ACTA1: variants seen among roughly 807,000 people sequenced by gnomAD.
ACTA1 encodes actin, alpha skeletal muscle.
A neutral mutation model predicts 35.8 loss-of-function variants in ACTA1; 25 were observed. That is an observed-to-expected ratio of 0.70 (90% CI 0.51 to 0.97). The LOEUF (loss-of-function observed/expected upper bound fraction) is 0.97. Among genes scored for constraint, ACTA1 ranks in the 50% least tolerant of loss-of-function variants. The pLI is 0.00. For missense variants in ACTA1, 174 were observed against 533.0 expected (o/e 0.33, Z 6.63); for synonymous variants, 219 against 217.1 (o/e 1.01, Z -0.08).
chr1:229,431,312 T>G lies in ACTA1; in HGVS notation c.*187A>C. On this transcript the variant is annotated 3_prime_UTR_variant, in exon 7 of 7. Coordinates refer to ENST00000366684, the MANE Select transcript of ACTA1 (RefSeq NM_001100.4). This position sits in a 1 kb window ranked among gnomAD's most constrained non-coding sequence, Gnocchi z 7.1. ...TTCCATTTTCTTCCACAGGGCTTTGTTTCGAAAAATAACAAAATGAGGTAA... is the reference window on the plus strand; with the variant it reads ...TTCCATTTTCTTCCACAGGGCTTTGGTTCGAAAAATAACAAAATGAGGTAA... 1 of 828,260 alleles carries G rather than the reference T, an allele frequency of 1.2e-6. No individual in the cohort carries two copies. 51.3% of individuals were successfully genotyped at this position (828,260 alleles called of 1,614,324 possible).
At position 229,431,415 on chromosome 1, in the gene ACTA1, A is replaced by G. The variant is rs1571892093; in HGVS notation, c.*84T>C. The G allele has an allele frequency of 6.3e-7, 1 of 1,578,802 alleles. No individual in the cohort carries two copies. Among genetic ancestry groups the G allele is most frequent in the Non-Finnish European group, 8.7e-7 (1 of 1,149,560 alleles). ...AACGGAAGTTGTTACAAAGAAAGTG[A>G]CTGCGGGGTGGCTGGAGCTCAGCCG... On this transcript the variant is annotated 3_prime_UTR_variant, in exon 7 of 7. Coordinates refer to ENST00000366684, the MANE Select transcript of ACTA1 (RefSeq NM_001100.4). This position sits in a 1 kb window ranked among gnomAD's most constrained non-coding sequence, Gnocchi z 7.1.
rs1553255511 is a variant in ACTA1 at position 229,432,889 on chromosome 1, C to T, written c.130-9G>A. The T allele has an allele frequency of 6.2e-7, 1 of 1,614,046 alleles. No individual in the cohort carries two copies. On this transcript the variant is annotated splice_polypyrimidine_tract_variant and intron_variant, in intron 2 of 6. Coordinates refer to ENST00000366684, the MANE Select transcript of ACTA1 (RefSeq NM_001100.4). ...ATACCGACCATGACGCCCTGCAGAG[C>T]CGAGACACCACGCACCCGTTAACGC...
chr1:229,432,921 G>C (rs2070861), intron 2 of ACTA1, 41 bp from the exon 3 acceptor site: 1 of 1,613,992 alleles, frequency 6.2e-7, no homozygotes, highest in South Asian at 1.1e-5. Context: ...ACGCCGCTCC[G>C]GGTGGCACCA....
rs756611370 is a variant in ACTA1, at chr1:229,431,663, T to G, written c.991-21A>C. ...ATGATCTGCAAGACAGCGCGTGAGGTGGGGAGACCTCACCCTGGAGCCCAC... is the reference window on the plus strand; with the variant it reads ...ATGATCTGCAAGACAGCGCGTGAGGGGGGGAGACCTCACCCTGGAGCCCAC... On this transcript the variant is annotated intron_variant, in intron 6 of 6. Transcript: ENST00000366684. The surrounding 1 kb of genome is among the most constrained non-coding windows in gnomAD (Gnocchi z 7.1). 1.4e-5 allele frequency: 23 copies of G among 1,613,230 alleles called. No homozygotes were observed. The highest frequency in any genetic ancestry group is 1.7e-5 in the Non-Finnish European group (20 of 1,179,802).
At position 229,431,440 on chromosome 1, in the gene ACTA1, GCCC is replaced by G. The variant is rs148828901; in HGVS notation, c.*56_*58del. ...ACTGCGGGGTGGCTGGAGCTCAGCC[GCCC>G]CCCCATTGAGAAGATTCGTCGTCCT... On this transcript the variant is annotated 3_prime_UTR_variant, in exon 7 of 7. Transcript: ENST00000366684. The surrounding 1 kb of genome is among the most constrained non-coding windows in gnomAD (Gnocchi z 7.1). The G allele has an allele frequency of 1.9e-6, 3 of 1,608,608 alleles. No individual in the cohort carries two copies. In the Admixed American group the frequency reaches 5.0e-5, roughly 27 times the overall value.
chr1:229,433,776 A>C (rs1176377669), intron 1 of ACTA1, among the ~76,000 whole-genome samples: 1 of 152,260 alleles, frequency 6.6e-6, no homozygotes, highest in Non-Finnish European at 1.5e-5. Context: ...CCTACATGCC[A>C]GGTAAAGGAG....
chr1:229,432,699 G>T lies in ACTA1; in HGVS notation c.311C>A (p.Pro104His), dbSNP rs778739385. ...GAGGGGGGCCTCGGTGAGCAGGGTGGGGTGCTCCTCGGGAGCCACGCGAAG... is the reference window on the plus strand; with the variant it reads ...GAGGGGGGCCTCGGTGAGCAGGGTGTGGTGCTCCTCGGGAGCCACGCGAAG... Reference protein sequence around the residue: ...NELRVAPEEHPTLLTEAPLNP... With the variant: ...NELRVAPEEHHTLLTEAPLNP... The change falls in exon 3 of 7, where the codon CCC becomes CAC. Residue 104 changes from proline to histidine, a missense_variant. Transcript: ENST00000366684. 7 of 1,614,172 alleles carry T rather than the reference G, an allele frequency of 4.3e-6. No homozygotes were observed. Among genetic ancestry groups the T allele is most frequent in the Non-Finnish European group, 5.1e-6 (6 of 1,180,018 alleles).
intron 4 of ACTA1, 32 bp from the exon 5 acceptor site, chr1:229,432,217 C>A (rs778314735): frequency 7.4e-6 from 12 of 1,612,850 alleles, no homozygotes; most frequent in Non-Finnish European, 9.3e-6. Flanking sequence ...GAGGAGCCCT[C>A]ACTCAGGGGC....
rs1476383050 is a variant in ACTA1, at chr1:229,432,551, C to G, written c.454+5G>C. The G allele has an allele frequency of 7.5e-6, 12 of 1,607,426 alleles. No homozygotes were observed. Among genetic ancestry groups the G allele is most frequent in the South Asian group, 1.1e-5 (1 of 90,194 alleles). On this transcript the variant is annotated splice_donor_5th_base_variant and intron_variant, in intron 3 of 6. Transcript: ENST00000366684. The stretch of plus-strand genomic sequence containing the variant: ...GAGAGGGGACTGGGGGCAGCGGGCA[C>G]TCACCGGTGGTCCTGCCGGAGGCGT...
Position 229,433,088 on chromosome 1 carries a change from G to A in ACTA1, c.28C>T (p.Leu10Phe). The change falls in exon 2 of 7, where the codon CTC becomes TTC. Residue 10 changes from leucine (L) to phenylalanine (F), a missense_variant. Transcript: ENST00000366684. MCDEDETTA[L>F]VCDNGSGLVK... is the part of the protein sequence containing the mutation. ...AGGCCGGAGCCATTGTCGCACACGA[G>A]GGCGGTGGTCTCGTCTTCGTCGCAC... 1.2e-6 allele frequency: 2 copies of A among 1,614,162 alleles called. No individual in the cohort carries two copies. Among genetic ancestry groups the A allele is most frequent in the African/African-American group, 1.3e-5 (1 of 75,070 alleles).
rs374599062 is a variant in ACTA1 at position 229,431,748 on chromosome 1, C to G, written c.963G>C (p.Ala321=). 1.9e-5 allele frequency: 31 copies of G among 1,614,070 alleles called. No individual in the cohort carries two copies. Among genetic ancestry groups the G allele is most frequent in the Non-Finnish European group, 2.2e-5 (26 of 1,180,032 alleles). ...IADRMQKEIT[A]LAPSTMKIKI... ...TGATCTTCATGGTGCTGGGTGCCAG[C>G]GCGGTGATCTCTTTCTGCATGCGGT... Residue 321 remains alanine, a synonymous_variant, in exon 6 of 7, where the codon GCG becomes GCC. Transcript: ENST00000366684. The surrounding 1 kb of genome is among the most constrained non-coding windows in gnomAD (Gnocchi z 7.1).
Position 229,431,249 on chromosome 1 carries a change from C to A in ACTA1, c.*250G>T. ...CAAGCAAATAAACACGACCACTTTA[C>A]GCAGCTTAACAGAATGACTTTAATG... On this transcript the variant is annotated 3_prime_UTR_variant, in exon 7 of 7. Coordinates refer to ENST00000366684, the MANE Select transcript of ACTA1 (RefSeq NM_001100.4). This position sits in a 1 kb window ranked among gnomAD's most constrained non-coding sequence, Gnocchi z 7.1. 1.8e-6 allele frequency: 1 copy of A among 566,206 alleles called. No individual in the cohort carries two copies. The highest frequency in any genetic ancestry group is 2.0e-5 in the South Asian group (1 of 50,800). The allele number at this position is 566,206 out of a possible 1,614,324, so 35.1% of individuals were successfully genotyped here. A position where few individuals can be genotyped will look rare whatever the true frequency, so the allele number is the denominator to read the frequency against.
Position 229,432,641 on chromosome 1 carries a change from C to A in ACTA1, c.369G>T (p.Gln123His). Residue 123 changes from glutamine to histidine, a missense_variant, in exon 3 of 7, where the codon CAG (glutamine) becomes CAT (histidine). Physicochemically the swap from Gln to His is conservative, Grantham distance 24. Coordinates refer to ENST00000366684, the MANE Select transcript of ACTA1 (RefSeq NM_001100.4). ...NPKANREKMT[Q>H]IMFETFNVPA... ...GCACGTTGAAGGTCTCAAACATGATCTGGGTCATCTTCTCGCGGTTGGCCT... is the reference window on the plus strand; with the variant it reads ...GCACGTTGAAGGTCTCAAACATGATATGGGTCATCTTCTCGCGGTTGGCCT... The A allele has an allele frequency of 1.9e-6, 3 of 1,614,132 alleles. No individual in the cohort carries two copies. Among genetic ancestry groups the A allele is most frequent in the Non-Finnish European group, 2.5e-6 (3 of 1,179,996 alleles).
chr1:229,433,183 C>T, intron 1 of ACTA1, 56 bp from the exon 2 acceptor site: 1 of 1,595,072 alleles, frequency 6.3e-7, no homozygotes, highest in Non-Finnish European at 8.5e-7. Flanking sequence ...GAAGTCTCAG[C>T]GGCAGGGGGG....
chr1:229,431,700 C>T lies in ACTA1; in HGVS notation c.990+21G>A, dbSNP rs535723510. The T allele has an allele frequency of 6.2e-7, 1 of 1,614,056 alleles. No homozygotes were observed. The highest frequency in any genetic ancestry group is 2.2e-5 in the East Asian group (1 of 44,870). On this transcript the variant is annotated intron_variant, in intron 6 of 6. Transcript: ENST00000366684. The surrounding 1 kb of genome is among the most constrained non-coding windows in gnomAD (Gnocchi z 7.1). Reference sequence around the variant, plus strand: ...ACCCTGGAGCCCACCCCGCCGACAGCCCGCGCAGGCCACCACCCACCTTGA... The same window carrying T: ...ACCCTGGAGCCCACCCCGCCGACAGTCCGCGCAGGCCACCACCCACCTTGA...
rs374307939 is a variant in ACTA1 at position 229,432,251 on chromosome 1, G to T, written c.616+19C>A. ...GCCGCCGCCGGCCCTCCCGCCCGGGGTGCAGGGGCGCCGCGCACCTGTGGT... is the reference window on the plus strand; with the variant it reads ...GCCGCCGCCGGCCCTCCCGCCCGGGTTGCAGGGGCGCCGCGCACCTGTGGT... On this transcript the variant is annotated intron_variant, in intron 4 of 6. Transcript: ENST00000366684. 120 of 1,613,314 alleles carry T rather than the reference G, an allele frequency of 7.4e-5. No individual in the cohort carries two copies. The highest frequency in any genetic ancestry group is 1.3e-4 in the Admixed American group (8 of 59,950).
chr1:229,432,113 G>A lies in ACTA1; in HGVS notation c.689C>T (p.Ala230Val). ...YVALDFENEMATAASSSSLEK... is the reference protein window; with the variant it reads ...YVALDFENEMVTAASSSSLEK... The stretch of plus-strand genomic sequence containing the variant: ...CAGGGAGGAGGAGGAGGCGGCCGTC[G>A]CCATCTCGTTCTCGAAGTCCAGGGC... The change falls in exon 5 of 7, where the codon GCG (alanine) becomes GTG (valine). Residue 230 changes from alanine (A) to valine (V), a missense_variant. Ala to Val is a moderately conservative substitution (Grantham distance 64). Transcript: ENST00000366684. The A allele has an allele frequency of 6.2e-7, 1 of 1,613,286 alleles. No homozygotes were observed. The highest frequency in any genetic ancestry group is 1.3e-5 in the African/African-American group (1 of 75,022).
chr1:229,431,913 C>T lies in ACTA1; in HGVS notation c.809-11G>A, dbSNP rs1571892758. ...CCGCCGACTCCATACCTGGGGACCG[C>T]GGCGGGGAGCGTGAGCAGAAGCTCG... On this transcript the variant is annotated splice_polypyrimidine_tract_variant and intron_variant, in intron 5 of 6. Transcript: ENST00000366684. The surrounding 1 kb of genome is among the most constrained non-coding windows in gnomAD (Gnocchi z 7.1). The T allele has an allele frequency of 6.2e-7, 1 of 1,611,148 alleles. No individual in the cohort carries two copies. The highest frequency in any genetic ancestry group is 1.7e-5 in the Admixed American group (1 of 59,888).
rs1210715638 is a variant in ACTA1 at position 229,433,138 on chromosome 1, A to T, written c.-12-11T>A. 6.2e-7 allele frequency: 1 copy of T among 1,613,748 alleles called. No individual in the cohort carries two copies. Among genetic ancestry groups the T allele is most frequent in the African/African-American group, 1.3e-5 (1 of 75,036 alleles). ...CATTGTGTCTAGTTTCTGCAAGGAC[A>T]GGGAGACCGCGAAGAGGCGCGGTGC... is the stretch of plus-strand genomic sequence containing the variant. On this transcript the variant is annotated splice_polypyrimidine_tract_variant and intron_variant, in intron 1 of 6. Coordinates refer to ENST00000366684, the MANE Select transcript of ACTA1 (RefSeq NM_001100.4).
Sources: gnomAD v4.1 joint callset for allele counts (sites outside exome capture counted in the v4.1 genomes callset) on GRCh38, gnomAD v4.1.1 for gene constraint, Gnocchi (gnomAD v3.1) non-coding constraint, MANE v1.5 for transcripts, NCBI Gene and HGNC (gene_info 2026-07-23, HGNC 2026-07-21) for gene names.